The following SNX19 variants were observed in gnomAD, a reference collection of about 807,000 sequenced individuals.
The protein encoded by SNX19 is sorting nexin 19.
In SNX19, 60 loss-of-function variants were observed where a neutral mutation model predicts 85.2. The ratio of observed to expected loss-of-function variants is 0.70; its 90% CI spans 0.57 to 0.87. The LOEUF is 0.87. SNX19 is among the 40% of genes least tolerant of loss of function. The pLI is 0.00. For synonymous variants in SNX19, 520 were observed against 470.0 expected (o/e 1.11, Z -1.38); for missense variants, 1,201 against 1,217.8 (o/e 0.99, Z 0.21).
intron 8 of SNX19, among the ~76,000 whole-genome samples, chr11:130,882,123 C>T (rs531431713): frequency 2.3e-4 from 35 of 152,250 alleles, no homozygotes; most frequent in Middle Eastern, 6.8e-3. Context: ...AGTGGTTCAA[C>T]GTTATTCTTG....
rs1942822517 is a variant in SNX19 at position 130,867,620 on chromosome 11, T to C, written c.*10802A>G. On this transcript the variant is annotated 3_prime_UTR_variant, in exon 11 of 11. Transcript: ENST00000265909. ...TCAAGAAGAGAATCCCCGGGTTTCTTTCCTTTCTTCCTTCCTTAAATTGAG... is the reference window on the plus strand; with the variant it reads ...TCAAGAAGAGAATCCCCGGGTTTCTCTCCTTTCTTCCTTCCTTAAATTGAG... 6.6e-6 allele frequency: 1 copy of C among 152,224 alleles called. No homozygotes were observed. Among genetic ancestry groups the C allele is most frequent in the South Asian group, 2.1e-4 (1 of 4,834 alleles). The allele number at this position is 152,224 out of a possible 1,614,324, so 9.4% of individuals were successfully genotyped here.
chr11:130,895,906 G>A (rs1030915309), intron 8 of SNX19, among the ~76,000 whole-genome samples: 1 of 152,194 alleles, frequency 6.6e-6, no homozygotes, highest in Non-Finnish European at 1.5e-5. Flanking sequence ...TCATATGACA[G>A]GGGAAACTGC....
At chr11:130,910,973 T>G (rs1054639263) in intron 2 of SNX19, among the ~76,000 whole-genome samples, 1 of 152,118 alleles carries the variant, frequency 6.6e-6, no homozygotes, top group African/African-American at 2.4e-5. Context: ...GGTGGGTAGA[T>G]TGCTTGAGGT....
At chr11:130,894,854 TCCTC>T (rs1246933990) in intron 8 of SNX19, 51 of 985,320 alleles carry the variant, frequency 5.2e-5, no homozygotes, top group Middle Eastern at 5.2e-4. Context: ...TGTTATACCT[TCCTC>T]TATAAAGCCT....
chr11:130,893,782 C>T (rs1418380650), intron 8 of SNX19: 6 of 702,098 alleles, frequency 8.5e-6, no homozygotes, highest in Admixed American at 6.0e-5. Flanking sequence ...TGCATTTGCA[C>T]ACCAGCCTCC....
chr11:130,907,972 C>T lies in SNX19; in HGVS notation c.2146G>A (p.Glu716Lys), dbSNP rs753233224. Reference sequence around the variant, plus strand: ...TCTCACTTGCTAGCCTTCTTGCCTTCTGTCTGGGGCTTGCTTTCGGTCTCG... The same window carrying T: ...TCTCACTTGCTAGCCTTCTTGCCTTTTGTCTGGGGCTTGCTTTCGGTCTCG... ...EAETESKPQT[E>K]GKKASKSRLR... Residue 716 changes from glutamate (E) to lysine (K), a missense_variant, in exon 5 of 11, where the codon GAA (glutamate) becomes AAA (lysine). Glu to Lys is a moderately conservative substitution (Grantham distance 56). Transcript: ENST00000265909. 1.9e-6 allele frequency: 3 copies of T among 1,614,084 alleles called. No homozygotes were observed. Among genetic ancestry groups the T allele is most frequent in the South Asian group, 2.2e-5 (2 of 91,072 alleles).
At chr11:130,886,940 C>T (rs6590521) in intron 8 of SNX19, among the ~76,000 whole-genome samples, 2 of 152,054 alleles carry the variant, frequency 1.3e-5, no homozygotes, top group African/African-American at 4.8e-5. Flanking sequence ...TCCTTTCCTG[C>T]CCAGTGCTGG....
rs1943141602 is a variant in SNX19 at position 130,874,355 on chromosome 11, G to A, written c.*4067C>T. On this transcript the variant is annotated 3_prime_UTR_variant, in exon 11 of 11. Transcript: ENST00000265909. ...GATTCTTGAAGGACTTCTGGGAAAT[G>A]GTTCCTTCATTCCTTAGAAGAAAAC... Among the ~76,000 whole-genome samples the A allele has an allele frequency of 6.6e-6, 1 of 152,174 alleles. No individual in the cohort carries two copies. Among genetic ancestry groups the A allele is most frequent in the African/African-American group, 2.4e-5 (1 of 41,438 alleles).
intron 8 of SNX19, among the ~76,000 whole-genome samples, chr11:130,890,181 G>A (rs1452583078): frequency 1.3e-5 from 2 of 152,110 alleles, no homozygotes; most frequent in African/African-American, 4.8e-5. Flanking sequence ...TTCTTGATTT[G>A]TCTTTTTCTC....
In SNX19 at chr11:130,876,103, A is replaced by G. The variant is rs1943232306; in HGVS notation, c.*2319T>C. 1 of 152,226 alleles carries G rather than the reference A, an allele frequency of 6.6e-6. No homozygotes were observed. 9.4% of individuals were successfully genotyped at this position (152,226 alleles called of 1,614,324 possible). ...AAAGTAGTCTTATTTCAAATATCAA[A>G]ATTCTGACTTAAATGAATAAAATTT... is the stretch of plus-strand genomic sequence containing the variant. On this transcript the variant is annotated 3_prime_UTR_variant, in exon 11 of 11. Coordinates refer to ENST00000265909, the MANE Select transcript of SNX19 (RefSeq NM_014758.3).
chr11:130,878,639 C>G, intron 10 of SNX19, 85 bp from the exon 11 acceptor site: 1 of 1,483,924 alleles, frequency 6.7e-7, no homozygotes, highest in Non-Finnish European at 9.1e-7. Context: ...TCTCCTCCCC[C>G]ATCACCGACA....
At chr11:130,881,346 T>C (rs910778469) in intron 8 of SNX19, among the ~76,000 whole-genome samples, 1 of 152,214 alleles carries the variant, frequency 6.6e-6, no homozygotes, top group African/African-American at 2.4e-5. Context: ...GTGTTATTTA[T>C]GGAGCGTTCA....
chr11:130,893,942 C>T (rs1445240936), intron 8 of SNX19: 2 of 625,994 alleles, frequency 3.2e-6, no homozygotes, highest in Non-Finnish European at 5.8e-6. Context: ...GAGAAGCCTG[C>T]AAGGACAGAG....
At chr11:130,887,627 C>A (rs1009810729) in intron 8 of SNX19, among the ~76,000 whole-genome samples, 11 of 152,200 alleles carry the variant, frequency 7.2e-5, no homozygotes, top group African/African-American at 2.7e-4. Context: ...CAACCCAAAT[C>A]GGCCTCCTTG....
rs1373457113 is a variant in SNX19 at position 130,876,393 on chromosome 11, C to A, written c.*2029G>T. On this transcript the variant is annotated 3_prime_UTR_variant, in exon 11 of 11. Transcript: ENST00000265909. The stretch of plus-strand genomic sequence containing the variant: ...GAAGGAGGATCTGAGGACAGCTTAT[C>A]TTTTTGGGGTACGTGGAGTAGAGGT... The A allele has an allele frequency of 6.6e-6, 1 of 152,498 alleles. No homozygotes were observed. The highest frequency in any genetic ancestry group is 2.4e-5 in the African/African-American group (1 of 41,436). 9.4% of individuals were successfully genotyped at this position (152,498 alleles called of 1,614,324 possible). A position where few individuals can be genotyped will look rare whatever the true frequency, so the allele number is the denominator to read the frequency against.
chr11:130,911,591 G>A (rs200086768), intron 2 of SNX19, 42 bp downstream of exon 2: 11 of 1,612,222 alleles, frequency 6.8e-6, no homozygotes, highest in South Asian at 5.5e-5. Context: ...GTGGCTCGAC[G>A]TGGGAAGCAA....
Position 130,886,669 on chromosome 11 carries a change from T to C in SNX19, c.2574-5863A>G, listed in dbSNP as rs538602883. Among the ~76,000 whole-genome samples the C allele has an allele frequency of 1.8e-4, 27 of 152,338 alleles. 2 individuals are homozygous for C. The South Asian group carries it at 4.8e-3, about 27-fold the overall frequency. The stretch of plus-strand genomic sequence containing the variant: ...GAGAGAAAGGAGGTCTTGGAGGTGA[T>C]GGTGTAGATTCAGGACATTATCCAT... On this transcript the variant is annotated intron_variant, in intron 8 of 10. Transcript: ENST00000265909.
chr11:130,915,103 G>C lies in SNX19; in HGVS notation c.837C>G (p.Ala279=). ...GCACTGAGGGCTGTTCGGGGGCACT[G>C]GCTGGGCAGGGTGCTGGATCTCTGG... ...SKARDPAPCP[A]SAPEQPSVPT... Residue 279 remains alanine (A), a synonymous_variant, in exon 1 of 11, where the codon GCC becomes GCG. Transcript: ENST00000265909. 1 of 1,613,872 alleles carries C rather than the reference G, an allele frequency of 6.2e-7. No individual in the cohort carries two copies. The highest frequency in any genetic ancestry group is 8.5e-7 in the Non-Finnish European group (1 of 1,179,848).
At chr11:130,882,513 A>C (rs1943751903) in intron 8 of SNX19, among the ~76,000 whole-genome samples, 1 of 152,266 alleles carries the variant, frequency 6.6e-6, no homozygotes, top group Non-Finnish European at 1.5e-5. Flanking sequence ...TGTGTAAGGT[A>C]ATAGCAGGGC....
Sources: allele counts gnomAD v4.1 joint callset (sites outside exome capture counted in the v4.1 genomes callset), GRCh38; gene constraint gnomAD v4.1.1; transcripts MANE v1.5; gene names NCBI Gene and HGNC (gene_info 2026-07-23, HGNC 2026-07-21).